PRKG1: variants seen among roughly 807,000 people sequenced by gnomAD.
The protein encoded by PRKG1 is cGMP-dependent protein kinase 1.
In PRKG1, 35 loss-of-function variants were observed where a neutral mutation model predicts 88.1. The ratio of observed to expected loss-of-function variants is 0.40; its 90% CI spans 0.30 to 0.53. The LOEUF is 0.53. PRKG1 is among the 20% of genes least tolerant of loss of function. The pLI is 0.59. For synonymous variants in PRKG1, 303 were observed against 292.5 expected (o/e 1.04, Z -0.37); for missense variants, 540 against 839.8 (o/e 0.64, Z 4.41).
At chr10:51,390,371 A>G (rs1837365170) in intron 2 of PRKG1, among the ~76,000 whole-genome samples, 1 of 152,226 alleles carries the variant, frequency 6.6e-6, no homozygotes, top group South Asian at 2.1e-4. Context: ...TGACATGCGT[A>G]TATTCATAGG....
At chr10:52,227,786 G>C (rs1366722950) in intron 9 of PRKG1, among the ~76,000 whole-genome samples, 1 of 152,056 alleles carries the variant, frequency 6.6e-6, no homozygotes, top group Non-Finnish European at 1.5e-5. Flanking sequence ...ACAAAACATA[G>C]AACTTTACAT....
intron 4 of PRKG1, among the ~76,000 whole-genome samples, chr10:51,873,585 T>C (rs1463011659): frequency 6.6e-6 from 1 of 150,488 alleles, no homozygotes; most frequent in Non-Finnish European, 1.5e-5. Flanking sequence ...TAGAGTGCAG[T>C]GTCATGATCT....
chr10:52,133,941 C>T (rs1375646513), intron 8 of PRKG1, 36 bp downstream of exon 8: 1 of 1,519,304 alleles, frequency 6.6e-7, no homozygotes, highest in Admixed American at 1.7e-5. Flanking sequence ...ATTACACACT[C>T]ATATCAGCAA....
chr10:51,031,464 A>G lies in PRKG1; in HGVS notation c.266+39820A>G, dbSNP rs149422244. 1.6e-4 allele frequency among the ~76,000 whole-genome samples: 25 copies of G among 152,322 alleles called. No homozygotes were observed. The East Asian group carries it at 4.8e-3, about 29-fold the overall frequency. ...TGCTTTAGAATGGTCTTAAACCAAG[A>G]GTCTCTAAATAGATATTATTTATTA... On this transcript the variant is annotated intron_variant, in intron 1 of 17. Coordinates refer to the PRKG1 transcript ENST00000401604.
intron 5 of PRKG1, among the ~76,000 whole-genome samples, chr10:52,005,297 A>G (rs7912562): frequency 0.49 from 65,414 of 133,366 alleles, 14,947 homozygotes; most frequent in East Asian, 0.67. Flanking sequence ...GATTTTTGCT[A>G]TGTTGGCCAG....
chr10:51,811,594 A>G lies in PRKG1; in HGVS notation c.698+6904A>G, dbSNP rs1453792598. Among the ~76,000 whole-genome samples the G allele has an allele frequency of 5.3e-5, 8 of 152,288 alleles. No individual in the cohort carries two copies. The South Asian group carries it at 8.3e-4, about 16-fold the overall frequency. On this transcript the variant is annotated intron_variant, in intron 4 of 17. Coordinates refer to ENST00000373980, the MANE Select transcript of PRKG1 (RefSeq NM_006258.4). ...AGAGCTGCCTCACATCACCCAGAAA[A>G]TTGCTAATAAAATGATCCCTGTGCC...
intron 1 of PRKG1, among the ~76,000 whole-genome samples, chr10:51,047,830 TA>T (rs1170093942): frequency 1.1e-4 from 16 of 152,208 alleles, no homozygotes; most frequent in African/African-American, 2.4e-4. Flanking sequence ...CAAGAGTATA[TA>T]TTTTTTTATA....
intron 12 of PRKG1, among the ~76,000 whole-genome samples, chr10:52,277,977 C>A (rs1367312975): frequency 4.6e-5 from 7 of 152,034 alleles, no homozygotes; most frequent in African/African-American, 1.7e-4. Flanking sequence ...TTCAAAAAGG[C>A]CCACTCAAAT....
Position 51,983,166 on chromosome 10 carries a change from G to A in PRKG1, c.763-71318G>A, listed in dbSNP as rs536200961. 2.5e-3 allele frequency among the ~76,000 whole-genome samples: 382 copies of A among 152,236 alleles called. 2 individuals are homozygous for A. The highest frequency in any genetic ancestry group is 8.5e-3 in the African/African-American group (354 of 41,546). ...TGGCAAGGGTGGGGCACTGGCAGGCGTGGGGCTGGCTGGCTCTTTCCTGCC... is the reference window on the plus strand; with the variant it reads ...TGGCAAGGGTGGGGCACTGGCAGGCATGGGGCTGGCTGGCTCTTTCCTGCC... On this transcript the variant is annotated intron_variant, in intron 5 of 17. Coordinates refer to ENST00000373980, the MANE Select transcript of PRKG1 (RefSeq NM_006258.4).
chr10:52,281,543 G>A (rs1228312266), intron 13 of PRKG1, among the ~76,000 whole-genome samples: 1 of 152,008 alleles, frequency 6.6e-6, no homozygotes, highest in East Asian at 1.9e-4. Context: ...TTTATTTGTA[G>A]TTTCAACCAA....
intron 2 of PRKG1, among the ~76,000 whole-genome samples, chr10:51,413,671 T>A (rs1435761238): frequency 1.3e-5 from 2 of 152,064 alleles, no homozygotes; most frequent in Non-Finnish European, 2.9e-5. Flanking sequence ...AAAAAGTTTT[T>A]AAAAAAATAC....
intron 5 of PRKG1, among the ~76,000 whole-genome samples, chr10:51,940,080 G>A (rs954950449): frequency 6.6e-6 from 1 of 151,820 alleles, no homozygotes; most frequent in Non-Finnish European, 1.5e-5. Context: ...TAAAGAGTCA[G>A]GTAATTGGTC....
intron 4 of PRKG1, among the ~76,000 whole-genome samples, chr10:51,871,407 G>T (rs1841154311): frequency 6.6e-6 from 1 of 152,112 alleles, no homozygotes; most frequent in South Asian, 2.1e-4. Flanking sequence ...GACTGGTTCT[G>T]AATCACCCAT....
chr10:52,171,522 A>G (rs983043312), intron 9 of PRKG1, among the ~76,000 whole-genome samples: 1 of 152,162 alleles, frequency 6.6e-6, no homozygotes, highest in Non-Finnish European at 1.5e-5. Context: ...GCCCTGAACT[A>G]ATATGCTGGC....
At chr10:51,747,963 G>A (rs1442089657) in intron 3 of PRKG1, among the ~76,000 whole-genome samples, 2 of 152,124 alleles carry the variant, frequency 1.3e-5, no homozygotes, top group Non-Finnish European at 2.9e-5. Context: ...TTATAAACTT[G>A]AGGCCAAGTG....
intron 9 of PRKG1, among the ~76,000 whole-genome samples, chr10:52,232,571 C>A (rs72787330): frequency 0.042 from 6,338 of 152,224 alleles, 219 homozygotes; most frequent in South Asian, 0.17. Context: ...AAAATAGATT[C>A]TCTCAATTTG....
At chr10:51,514,166 T>C (rs1841506410) in intron 3 of PRKG1, among the ~76,000 whole-genome samples, 1 of 149,088 alleles carries the variant, frequency 6.7e-6, no homozygotes. Context: ...AAAGGGGATA[T>C]CACCACCGAT....
At chr10:52,107,538 T>C (rs748301619) in intron 7 of PRKG1, among the ~76,000 whole-genome samples, 4 of 152,230 alleles carry the variant, frequency 2.6e-5, no homozygotes, top group Non-Finnish European at 5.9e-5. Context: ...ATTTATAATA[T>C]GCACAACATT....
At chr10:52,017,181 G>A (rs1273297901) in intron 5 of PRKG1, among the ~76,000 whole-genome samples, 1 of 152,180 alleles carries the variant, frequency 6.6e-6, no homozygotes, top group African/African-American at 2.4e-5. Context: ...TAAGTGCTTT[G>A]GCTTTTGTTC....
Sources: gnomAD v4.1 joint callset for allele counts (sites outside exome capture counted in the v4.1 genomes callset) on GRCh38, gnomAD v4.1.1 for gene constraint, MANE v1.5 for transcripts, NCBI Gene and HGNC (gene_info 2026-07-23, HGNC 2026-07-21) for gene names.